Variants in NOL4 observed in about 807,000 individuals in gnomAD.
The protein encoded by NOL4 is nucleolar protein 4, also known as cancer/testis antigen 125.
A neutral mutation model predicts 75.9 loss-of-function variants in NOL4; 17 were observed. The observed-to-expected ratio is 0.22, with a 90% CI of 0.15 to 0.34. NOL4 has a LOEUF of 0.34. NOL4 is among the 10% of genes least tolerant of loss of function. The pLI is 1.00. For synonymous variants in NOL4, 292 were observed against 289.9 expected, an observed-to-expected ratio of 1.01 and a Z score of -0.07; for missense variants, 614 against 793.5, an observed-to-expected ratio of 0.77 and a Z score of 2.72.
intron 1 of NOL4, among the ~76,000 whole-genome samples, chr18:34,216,394 T>C (rs540379421): frequency 2.2e-4 from 33 of 152,102 alleles, no homozygotes; most frequent in African/African-American, 7.2e-4. Flanking sequence ...ATACTCTCAA[T>C]TGTATATAAA....
intron 5 of NOL4, among the ~76,000 whole-genome samples, chr18:34,080,650 T>C (rs912343263): frequency 2.6e-5 from 4 of 152,180 alleles, no homozygotes; most frequent in Admixed American, 2.6e-4. Flanking sequence ...TTCATCCTTT[T>C]TTAAGAGATG....
chr18:34,197,298 T>C (rs1167268593), intron 1 of NOL4, among the ~76,000 whole-genome samples: 1 of 152,014 alleles, frequency 6.6e-6, no homozygotes, highest in Non-Finnish European at 1.5e-5. Context: ...GGCATTTCAG[T>C]GTTGAATAGA....
chr18:34,028,786 T>A (rs2075481826), intron 5 of NOL4, among the ~76,000 whole-genome samples: 1 of 152,152 alleles, frequency 6.6e-6, no homozygotes, highest in African/African-American at 2.4e-5. Context: ...ATTTGAAAAG[T>A]TGAAACCACT....
chr18:34,003,627 C>T (rs1343836912), intron 6 of NOL4, among the ~76,000 whole-genome samples: 1 of 152,016 alleles, frequency 6.6e-6, no homozygotes, highest in Non-Finnish European at 1.5e-5. Context: ...GTTCTGGCCC[C>T]TGCCTTATCT....
intron 1 of NOL4, among the ~76,000 whole-genome samples, chr18:34,203,488 T>A (rs1420982368): frequency 1.3e-5 from 2 of 150,786 alleles, no homozygotes; most frequent in East Asian, 3.9e-4. Flanking sequence ...GACTGGTAGA[T>A]TATATCAATA....
intron 6 of NOL4, among the ~76,000 whole-genome samples, chr18:33,963,180 A>G (rs2070291891): frequency 6.6e-6 from 1 of 152,176 alleles, no homozygotes; most frequent in South Asian, 2.1e-4. Flanking sequence ...AGATTTAAAC[A>G]CTATAATTGT....
intron 2 of NOL4, among the ~76,000 whole-genome samples, chr18:34,120,606 T>G (rs990029527): frequency 1.3e-5 from 2 of 152,154 alleles, no homozygotes; most frequent in African/African-American, 4.8e-5. Flanking sequence ...TTTTAGATAG[T>G]TCAAGTCAGT....
intron 9 of NOL4, among the ~76,000 whole-genome samples, chr18:33,917,416 A>G (rs372012457): frequency 1.1e-4 from 16 of 152,152 alleles, no homozygotes; most frequent in East Asian, 7.7e-4. Flanking sequence ...CTTTTTGAGT[A>G]GTGTAAAATG....
At chr18:34,008,139 C>G (rs530040004) in intron 6 of NOL4, among the ~76,000 whole-genome samples, 1 of 152,078 alleles carries the variant, frequency 6.6e-6, no homozygotes, top group South Asian at 2.1e-4. Flanking sequence ...TTTTGAGCTG[C>G]AACATTCATC....
At chr18:33,940,855 G>A (rs762264721) in intron 9 of NOL4, among the ~76,000 whole-genome samples, 2 of 151,924 alleles carry the variant, frequency 1.3e-5, no homozygotes, top group Non-Finnish European at 2.9e-5. Context: ...TAGGGCCAAG[G>A]ACCACTGGTC....
At chr18:34,155,182 T>C (rs745448152) in intron 1 of NOL4, among the ~76,000 whole-genome samples, 7 of 151,788 alleles carry the variant, frequency 4.6e-5, no homozygotes, top group African/African-American at 1.7e-4. Context: ...GTAACATATA[T>C]ATATATATTT....
intron 6 of NOL4, among the ~76,000 whole-genome samples, chr18:33,992,563 A>G (rs1465426263): frequency 1.3e-5 from 2 of 152,052 alleles, no homozygotes; most frequent in Non-Finnish European, 1.5e-5. Flanking sequence ...CACTCTCACA[A>G]CAACCCCCTT....
At chr18:34,138,937 T>A (rs1309797325) in intron 1 of NOL4, among the ~76,000 whole-genome samples, 2 of 152,224 alleles carry the variant, frequency 1.3e-5, no homozygotes, top group African/African-American at 2.4e-5. Context: ...GAGATAAACA[T>A]GTGGCTTTTG....
intron 9 of NOL4, among the ~76,000 whole-genome samples, chr18:33,893,202 T>C (rs2144853822): frequency 6.6e-6 from 1 of 152,274 alleles, no homozygotes; most frequent in Middle Eastern, 3.4e-3. Flanking sequence ...TCAATATGCA[T>C]TTCATATATC....
At chr18:34,180,799 T>C (rs184057215) in intron 1 of NOL4, among the ~76,000 whole-genome samples, 1 of 151,586 alleles carries the variant, frequency 6.6e-6, no homozygotes, top group East Asian at 1.9e-4. Flanking sequence ...ATGAAAAATC[T>C]AAACTGAGAC....
chr18:33,859,755 C>T (rs1342210776), intron 10 of NOL4, among the ~76,000 whole-genome samples: 1 of 151,914 alleles, frequency 6.6e-6, no homozygotes, highest in Non-Finnish European at 1.5e-5. Flanking sequence ...CTAGTCTTTA[C>T]TAAAAATACA....
At chr18:34,159,192 C>T (rs574629274) in intron 1 of NOL4, among the ~76,000 whole-genome samples, 1 of 152,316 alleles carries the variant, frequency 6.6e-6, no homozygotes, top group East Asian at 1.9e-4. Context: ...TCAGCCTCCT[C>T]CTCGCCTCCC....
chr18:34,061,681 G>A (rs1158137619), intron 5 of NOL4, among the ~76,000 whole-genome samples: 1 of 151,946 alleles, frequency 6.6e-6, no homozygotes, highest in Non-Finnish European at 1.5e-5. Context: ...CTAAATGGTG[G>A]AGTAATAACT....
intron 1 of NOL4, among the ~76,000 whole-genome samples, chr18:34,152,669 A>C (rs2081701687): frequency 6.6e-6 from 1 of 151,908 alleles, no homozygotes; most frequent in Admixed American, 6.6e-5. Context: ...AATAGTCACC[A>C]AGTGAGAAGG....
Sources: allele counts gnomAD v4.1 joint callset (sites outside exome capture counted in the v4.1 genomes callset), GRCh38; gene constraint gnomAD v4.1.1; transcripts MANE v1.5; gene names NCBI Gene and HGNC (gene_info 2026-07-23, HGNC 2026-07-21).